The following RAB3C variants were observed in gnomAD, a reference collection of about 807,000 sequenced individuals.
RAB3C encodes the protein RAB3C, member RAS oncogene family.
In RAB3C, 17 loss-of-function variants were observed where a neutral mutation model predicts 26.4. The ratio of observed to expected loss-of-function variants is 0.64; its 90% CI spans 0.44 to 0.97. The LOEUF (loss-of-function observed/expected upper bound fraction) is 0.97, where lower values mean the gene tolerates loss of function less well. Among genes scored for constraint, RAB3C ranks in the 50% least tolerant of loss-of-function variants. The probability of loss-of-function intolerance (pLI) is 0.00; values close to 1 mark genes in which losing one functional copy is unlikely to be tolerated. For missense variants in RAB3C, 242 were observed against 281.9 expected (o/e 0.86, Z 1.01); for synonymous variants, 91 against 95.9 (o/e 0.95, Z 0.30).
chr5:58,767,637 G>C (rs898810992), intron 3 of RAB3C, among the ~76,000 whole-genome samples: 2 of 152,192 alleles, frequency 1.3e-5, no homozygotes, highest in Admixed American at 1.3e-4. Flanking sequence ...TGAAGACTTG[G>C]TGAGGAGAGA....
At chr5:58,612,514 GTGTGTGTATATATATA>G (rs748591788) in intron 1 of RAB3C, among the ~76,000 whole-genome samples, 5,664 of 53,762 alleles carry the variant, frequency 0.11, 152 homozygotes, top group South Asian at 0.24. Context: ...GTGTGTGTGT[GTGTGTGTATATATATA>G]TATATATATA....
intron 2 of RAB3C, among the ~76,000 whole-genome samples, chr5:58,678,599 T>C (rs1748278539): frequency 6.6e-6 from 1 of 152,332 alleles, no homozygotes; most frequent in East Asian, 1.9e-4. Flanking sequence ...GAGAAAAGTA[T>C]TAATATGCTA....
chr5:58,773,493 C>G (rs1178422246), intron 3 of RAB3C, among the ~76,000 whole-genome samples: 1 of 152,086 alleles, frequency 6.6e-6, no homozygotes, highest in Non-Finnish European at 1.5e-5. Flanking sequence ...AAAGAGTCAG[C>G]TTTCAAGGTG....
chr5:58,706,602 T>C (rs745550793), intron 2 of RAB3C, among the ~76,000 whole-genome samples: 1 of 152,204 alleles, frequency 6.6e-6, no homozygotes. Flanking sequence ...TTATTTGTAT[T>C]GATTAATAAT....
At chr5:58,763,154 CAG>C (rs1240402102) in intron 3 of RAB3C, among the ~76,000 whole-genome samples, 2 of 152,170 alleles carry the variant, frequency 1.3e-5, no homozygotes, top group Non-Finnish European at 2.9e-5. Flanking sequence ...AGCTCAAAAA[CAG>C]TGAGTAGAGC....
chr5:58,812,327 G>A (rs1743113111), intron 3 of RAB3C, among the ~76,000 whole-genome samples: 1 of 152,012 alleles, frequency 6.6e-6, no homozygotes, highest in Non-Finnish European at 1.5e-5. Flanking sequence ...CATTCCTCCC[G>A]ATGCCATTCC....
intron 2 of RAB3C, among the ~76,000 whole-genome samples, chr5:58,675,615 C>CTTTT (rs1195191076): frequency 3.4e-4 from 30 of 89,392 alleles, no homozygotes; most frequent in African/African-American, 1.1e-3. Context: ...GGCCATTTGT[C>CTTTT]TTTTTTTTTT....
chr5:58,625,042 T>A (rs1747023247), intron 2 of RAB3C, among the ~76,000 whole-genome samples: 1 of 152,174 alleles, frequency 6.6e-6, no homozygotes, highest in East Asian at 1.9e-4. Context: ...AACTGAGGCA[T>A]AGAGTGTGTG....
At chr5:58,625,820 G>A (rs1028303741) in intron 2 of RAB3C, among the ~76,000 whole-genome samples, 15 of 149,582 alleles carry the variant, frequency 1.0e-4, no homozygotes, top group Admixed American at 2.0e-4. Flanking sequence ...TCACGCCATT[G>A]CACTCCAGCC....
At chr5:58,682,980 A>G (rs1748377996) in intron 2 of RAB3C, among the ~76,000 whole-genome samples, 1 of 152,214 alleles carries the variant, frequency 6.6e-6, no homozygotes, top group Non-Finnish European at 1.5e-5. Context: ...AACATGCAAC[A>G]AACGATGTTT....
Position 58,583,173 on chromosome 5 carries a change from G to A in RAB3C, c.-36G>A. 6.2e-7 allele frequency: 1 copy of A among 1,614,088 alleles called. No homozygotes were observed. The highest frequency in any genetic ancestry group is 8.5e-7 in the Non-Finnish European group (1 of 1,180,016). On this transcript the variant is annotated 5_prime_UTR_variant, in exon 1 of 5. Transcript: ENST00000282878. ...CGCTTGACCGGAAGCCCAGACCAGT[G>A]CGGTCCTAGCCAGAGAGAAAGGACA...
At chr5:58,670,312 A>G (rs1362481432) in intron 2 of RAB3C, among the ~76,000 whole-genome samples, 2 of 152,102 alleles carry the variant, frequency 1.3e-5, no homozygotes, top group African/African-American at 2.4e-5. Context: ...TCTCCAAAGG[A>G]TAGTTTTTTT....
intron 2 of RAB3C, among the ~76,000 whole-genome samples, chr5:58,678,986 A>G (rs1298427119): frequency 6.6e-6 from 1 of 152,118 alleles, no homozygotes; most frequent in East Asian, 1.9e-4. Context: ...GCTGGCTAAT[A>G]TATGTTTCCT....
chr5:58,641,055 A>G (rs556974469), intron 2 of RAB3C, among the ~76,000 whole-genome samples: 125 of 152,286 alleles, frequency 8.2e-4, no homozygotes, highest in African/African-American at 2.9e-3. Flanking sequence ...GCTGCTTTTG[A>G]TCTCTCCTGC....
intron 2 of RAB3C, among the ~76,000 whole-genome samples, chr5:58,715,192 A>C (rs1177990193): frequency 2.0e-5 from 3 of 151,978 alleles, no homozygotes; most frequent in Non-Finnish European, 4.4e-5. Flanking sequence ...TTTCCACAAA[A>C]ACGTATTTAA....
At chr5:58,680,494 C>T (rs1181104862) in intron 2 of RAB3C, among the ~76,000 whole-genome samples, 1 of 152,146 alleles carries the variant, frequency 6.6e-6, no homozygotes. Context: ...GTATTCATTC[C>T]CTACTAGTAT....
intron 2 of RAB3C, among the ~76,000 whole-genome samples, chr5:58,626,959 C>A (rs1747065820): frequency 6.6e-6 from 1 of 152,140 alleles, no homozygotes; most frequent in South Asian, 2.1e-4. Context: ...TCTGGATCAC[C>A]TGGATTGCTC....
At chr5:58,807,512 G>T (rs1429026145) in intron 3 of RAB3C, among the ~76,000 whole-genome samples, 1 of 152,198 alleles carries the variant, frequency 6.6e-6, no homozygotes, top group Non-Finnish European at 1.5e-5. Flanking sequence ...TGAGTTTGGA[G>T]TCTGGGAAGT....
At chr5:58,766,231 C>T (rs1382945202) in intron 3 of RAB3C, among the ~76,000 whole-genome samples, 3 of 152,056 alleles carry the variant, frequency 2.0e-5, no homozygotes, top group Non-Finnish European at 4.4e-5. Context: ...AATTCTCTGC[C>T]TCAGCCTCCA....
Sources: allele counts gnomAD v4.1 joint callset (sites outside exome capture counted in the v4.1 genomes callset), GRCh38; gene constraint gnomAD v4.1.1; transcripts MANE v1.5; gene names NCBI Gene and HGNC (gene_info 2026-07-23, HGNC 2026-07-21).